The following PRKCH variants were observed in gnomAD, a reference collection of about 807,000 sequenced individuals.
PRKCH encodes the protein protein kinase C eta, also known as protein kinase C eta type.
Under a neutral mutation model 82.5 loss-of-function variants are expected in PRKCH, and 28 were observed. The observed-to-expected ratio is 0.34, with a 90% CI of 0.25 to 0.47. The LOEUF (loss-of-function observed/expected upper bound fraction) is 0.47, where lower values mean the gene tolerates loss of function less well. Ranked by LOEUF, PRKCH falls within the 20% of genes least tolerant of loss-of-function variation. PRKCH has a pLI of 1.00. For synonymous variants in PRKCH, 322 were observed against 327.4 expected, an observed-to-expected ratio of 0.98 and a Z score of 0.18; for missense variants, 705 against 881.8, an observed-to-expected ratio of 0.80 and a Z score of 2.54.
chr14:61,237,659 C>A (rs1351321435), intron 1 of PRKCH, among the ~76,000 whole-genome samples: 1 of 152,196 alleles, frequency 6.6e-6, no homozygotes, highest in Non-Finnish European at 1.5e-5. Context: ...ATCGGAAAAT[C>A]TTTGAATCCA....
intron 1 of PRKCH, among the ~76,000 whole-genome samples, chr14:61,242,598 A>G (rs2044848608): frequency 6.6e-6 from 1 of 151,866 alleles, no homozygotes; most frequent in Non-Finnish European, 1.5e-5. Flanking sequence ...AGATTTCCCC[A>G]TGTTGGCCAG....
intron 1 of PRKCH, among the ~76,000 whole-genome samples, chr14:61,196,927 T>A (rs2044446208): frequency 1.3e-5 from 2 of 152,166 alleles, no homozygotes; most frequent in African/African-American, 2.4e-5. Flanking sequence ...GCTTATTGCA[T>A]CCCTATGACT....
intron 10 of PRKCH, among the ~76,000 whole-genome samples, chr14:61,498,535 A>C (rs1886762762): frequency 6.6e-6 from 1 of 152,160 alleles, no homozygotes; most frequent in Admixed American, 6.5e-5. Flanking sequence ...CACAGACTGG[A>C]TTCCTTGAAC....
chr14:61,380,282 C>A (rs562745658), intron 1 of PRKCH, among the ~76,000 whole-genome samples: 1 of 149,726 alleles, frequency 6.7e-6, no homozygotes, highest in East Asian at 2.0e-4. Context: ...ATCTTGAACT[C>A]CTGGACTCAA....
At chr14:61,389,067 A>G (rs908946388) in intron 1 of PRKCH, among the ~76,000 whole-genome samples, 53 of 152,206 alleles carry the variant, frequency 3.5e-4, no homozygotes, top group Admixed American at 1.8e-3. Flanking sequence ...AAAAAAGTAA[A>G]CAGTACTGTT....
intron 1 of PRKCH, among the ~76,000 whole-genome samples, chr14:61,190,987 C>T (rs1317672455): frequency 2.0e-5 from 3 of 152,104 alleles, no homozygotes; most frequent in Non-Finnish European, 4.4e-5. Context: ...AGCCAAAAGA[C>T]CACAGAAACA....
chr14:61,478,873 A>G lies in PRKCH; in HGVS notation c.1279-6629A>G, dbSNP rs75455100. On this transcript the variant is annotated intron_variant, in intron 9 of 13. Transcript: ENST00000332981. ...AAGACCCTGTCTCAAAAAGAAAAAC[A>G]AAAATTGTGTGTATTTTAGCTGAAA... is the stretch of plus-strand genomic sequence containing the variant. Among the ~76,000 whole-genome samples, 3,340 of 152,274 alleles carry G rather than the reference A, an allele frequency of 0.022. 173 individuals carry two copies. In the East Asian group the frequency reaches 0.24, roughly 11 times the overall value.
intron 1 of PRKCH, among the ~76,000 whole-genome samples, chr14:61,288,332 C>T (rs1427778524): frequency 6.6e-6 from 1 of 152,140 alleles, no homozygotes; most frequent in Non-Finnish European, 1.5e-5. Flanking sequence ...TGAACTCAAG[C>T]GATCCTCCTG....
At chr14:61,248,154 A>G (rs951279633) in intron 1 of PRKCH, among the ~76,000 whole-genome samples, 7 of 152,130 alleles carry the variant, frequency 4.6e-5, no homozygotes, top group Non-Finnish European at 7.4e-5. Context: ...CCTAAAATCA[A>G]TATCCTCTAG....
intron 1 of PRKCH, among the ~76,000 whole-genome samples, chr14:61,266,558 A>G (rs780474431): frequency 6.6e-6 from 1 of 152,258 alleles, no homozygotes; most frequent in Admixed American, 6.5e-5. Flanking sequence ...AGTAAAATGC[A>G]TTGCAGGGAA....
Position 61,335,234 on chromosome 14 carries a change from C to T in PRKCH, c.363+12770C>T, listed in dbSNP as rs547654269. Reference sequence around the variant, plus strand: ...GTGGGGTAGGGTATAGTCTTGTTGGCGCCCTCAAATGACATCATAGAAGCA... The same window carrying T: ...GTGGGGTAGGGTATAGTCTTGTTGGTGCCCTCAAATGACATCATAGAAGCA... On this transcript the variant is annotated intron_variant, in intron 1 of 13. Transcript: ENST00000332981. Among the ~76,000 whole-genome samples, 11 of 152,070 alleles carry T rather than the reference C, an allele frequency of 7.2e-5. No homozygotes were observed. The South Asian group carries it at 1.0e-3, about 14-fold the overall frequency.
intron 1 of PRKCH, among the ~76,000 whole-genome samples, chr14:61,286,428 C>A (rs1232159204): frequency 6.6e-6 from 1 of 152,174 alleles, no homozygotes; most frequent in Non-Finnish European, 1.5e-5. Context: ...AAGACAGAAG[C>A]GAATTCTCTC....
At position 61,434,780 on chromosome 14, in the gene PRKCH, C is replaced by T. The variant is rs118152895; in HGVS notation, c.428-8331C>T. ...CTCATGCCTGTAATCTAGCACTTTG[C>T]GAGACCAAAGAGAGAGGATCACCTG... On this transcript the variant is annotated intron_variant, in intron 2 of 13. Coordinates refer to ENST00000332981, the MANE Select transcript of PRKCH (RefSeq NM_006255.5). 4.3e-3 allele frequency among the ~76,000 whole-genome samples: 658 copies of T among 152,122 alleles called. 4 individuals carry two copies. Among genetic ancestry groups the T allele is most frequent in the Non-Finnish European group, 6.6e-3 (452 of 67,984 alleles).
chr14:61,391,615 C>T (rs2046683380), intron 2 of PRKCH, among the ~76,000 whole-genome samples: 1 of 151,778 alleles, frequency 6.6e-6, no homozygotes, highest in Non-Finnish European at 1.5e-5. Flanking sequence ...TGGTTTTGTG[C>T]CATCTTTTAG....
chr14:61,419,381 T>C (rs553957992), intron 2 of PRKCH, among the ~76,000 whole-genome samples: 1 of 152,314 alleles, frequency 6.6e-6, no homozygotes, highest in African/African-American at 2.4e-5. Context: ...GCATGCTTGG[T>C]ATTTTGGGCC....
intron 1 of PRKCH, among the ~76,000 whole-genome samples, chr14:61,238,038 G>C (rs1035417455): frequency 1.3e-5 from 2 of 152,228 alleles, no homozygotes; most frequent in Non-Finnish European, 2.9e-5. Context: ...TTGTTGCAAA[G>C]TAGTAACAGT....
At chr14:61,376,516 T>A (rs935392926) in intron 1 of PRKCH, among the ~76,000 whole-genome samples, 1 of 152,232 alleles carries the variant, frequency 6.6e-6, no homozygotes, top group Non-Finnish European at 1.5e-5. Context: ...ATTGCCTTAC[T>A]TCTTGCAGAT....
chr14:61,188,703 TA>T (rs2044387170), intron 1 of PRKCH, among the ~76,000 whole-genome samples: 1 of 51,318 alleles, frequency 1.9e-5, no homozygotes, highest in Non-Finnish European at 4.5e-5. Context: ...GACGTTGCTG[TA>T]GTGTGTGTGT....
intron 1 of PRKCH, among the ~76,000 whole-genome samples, chr14:61,232,087 A>G (rs921754140): frequency 6.6e-6 from 1 of 152,186 alleles, no homozygotes; most frequent in African/African-American, 2.4e-5. Flanking sequence ...CACAAGCCAC[A>G]GGTTGTTTCG....
Sources: allele counts gnomAD v4.1 joint callset (sites outside exome capture counted in the v4.1 genomes callset), GRCh38; gene constraint gnomAD v4.1.1; transcripts MANE v1.5; gene names NCBI Gene and HGNC (gene_info 2026-07-23, HGNC 2026-07-21).